The following IQSEC1 variants were observed in gnomAD, a reference collection of about 807,000 sequenced individuals.
The protein encoded by IQSEC1 is IQ motif and SEC7 domain-containing protein 1.
A neutral mutation model predicts 91.0 loss-of-function variants in IQSEC1; 31 were observed. That is an observed-to-expected ratio of 0.34 (90% CI 0.26 to 0.46). The LOEUF is 0.46. Ranked by LOEUF, IQSEC1 falls within the 20% of genes least tolerant of loss-of-function variation. IQSEC1 has a pLI of 1.00. For synonymous variants in IQSEC1, 699 were observed against 662.6 expected (o/e 1.05, Z -0.84); for missense variants, 1,388 against 1,575.6 (o/e 0.88, Z 2.02).
At chr3:12,942,872 C>G (rs1575996730) in intron 1 of IQSEC1, among the ~76,000 whole-genome samples, 1 of 152,168 alleles carries the variant, frequency 6.6e-6, no homozygotes, top group African/African-American at 2.4e-5. Context: ...ATGCGAGGAC[C>G]CGAGGAGGAG....
chr3:13,125,418 T>G (rs360738), intron 2 of IQSEC1, among the ~76,000 whole-genome samples: 17,211 of 152,270 alleles, frequency 0.11, 1,180 homozygotes, highest in South Asian at 0.18. Context: ...TAAATCACAG[T>G]CATCTAATGA....
At chr3:13,102,367 G>T (rs1706080315) in intron 2 of IQSEC1, among the ~76,000 whole-genome samples, 1 of 152,140 alleles carries the variant, frequency 6.6e-6, no homozygotes, top group Admixed American at 6.5e-5. Flanking sequence ...ATGGGCTGGG[G>T]AGCGGAGGCC....
chr3:12,917,735 T>C (rs1283791762), intron 6 of IQSEC1, among the ~76,000 whole-genome samples: 1 of 152,250 alleles, frequency 6.6e-6, no homozygotes, highest in Non-Finnish European at 1.5e-5. Flanking sequence ...GGCCTAAGTT[T>C]TCAGTTCTTT....
intron 1 of IQSEC1, among the ~76,000 whole-genome samples, chr3:13,068,275 GCAGAC>G (rs1705302771): frequency 6.6e-6 from 1 of 152,236 alleles, no homozygotes; most frequent in African/African-American, 2.4e-5. Flanking sequence ...GCTTGCCTAA[GCAGAC>G]GCTACTTGTT....
intron 1 of IQSEC1, among the ~76,000 whole-genome samples, chr3:13,190,557 A>AAAAAAAAAAAAAC (rs1553573152): frequency 2.0e-5 from 3 of 147,960 alleles, no homozygotes; most frequent in African/African-American, 7.8e-5. Context: ...CCCTGTCTCA[A>AAAAAAAAAAAAAC]AAAAAAAAAA....
At chr3:13,015,750 C>A (rs1703097000) in intron 1 of IQSEC1, 3 of 985,066 alleles carry the variant, frequency 3.0e-6, no homozygotes, top group East Asian at 1.1e-4. Flanking sequence ...GTGCCAGGCA[C>A]CCTGGGGCCC....
intron 12 of IQSEC1, 76 bp from the exon 13 acceptor site, chr3:12,902,898 C>A: frequency 9.0e-7 from 1 of 1,109,174 alleles, no homozygotes; most frequent in East Asian, 2.4e-5. Context: ...TGCCACGCTG[C>A]TGCCACGGAG....
intron 1 of IQSEC1, among the ~76,000 whole-genome samples, chr3:13,247,153 AG>A (rs1695121834): frequency 6.6e-6 from 1 of 152,158 alleles, no homozygotes; most frequent in Admixed American, 6.5e-5. Context: ...TGAGGTCTGC[AG>A]GGGACGGTTG....
intron 1 of IQSEC1, among the ~76,000 whole-genome samples, chr3:12,977,431 T>C (rs1234432673): frequency 6.6e-6 from 1 of 151,894 alleles, no homozygotes; most frequent in East Asian, 1.9e-4. Context: ...CTGGTAGCTT[T>C]ACCAAAACTG....
chr3:13,146,269 G>T (rs969386924), intron 2 of IQSEC1, among the ~76,000 whole-genome samples: 1 of 151,998 alleles, frequency 6.6e-6, no homozygotes, highest in Non-Finnish European at 1.5e-5. Context: ...TTACAGGTGT[G>T]AGCCACCGCG....
At chr3:13,156,614 G>A (rs548189148) in intron 2 of IQSEC1, among the ~76,000 whole-genome samples, 1 of 152,378 alleles carries the variant, frequency 6.6e-6, no homozygotes, top group Non-Finnish European at 1.5e-5. Context: ...ATAGCATGCT[G>A]TGCCAGGGCA....
chr3:12,935,603 G>A lies in IQSEC1; in HGVS notation c.1413C>T (p.Cys471=), dbSNP rs1698097058. 26 of 1,614,144 alleles carry A rather than the reference G, an allele frequency of 1.6e-5. No homozygotes were observed. Among genetic ancestry groups the A allele is most frequent in the Non-Finnish European group, 2.1e-5 (25 of 1,180,024 alleles). Residue 471 remains cysteine, a synonymous_variant, in exon 3 of 14, where the codon TGC becomes TGT. Coordinates refer to ENST00000613206, the MANE Select transcript of IQSEC1 (RefSeq NM_001134382.3). The surrounding 1 kb of genome is among the most constrained non-coding windows in gnomAD (Gnocchi z 8.0). ...TGTCACGGGACGATGACTCGGAGCT[G>A]CAGTTGATGGTATCGTTGGAGTTGG... ...STSNSNDTIN[C]SSESSSRDSL... is the part of the protein sequence containing the mutation.
intron 10 of IQSEC1, 147 bp downstream of exon 10, chr3:12,911,482 C>T (rs1695548840): frequency 1.5e-6 from 1 of 656,784 alleles, no homozygotes; most frequent in African/African-American, 1.8e-5. Flanking sequence ...CTACAGCTCA[C>T]CGGAGCTCCT....
intron 1 of IQSEC1, among the ~76,000 whole-genome samples, chr3:12,982,765 A>G (rs575875189): frequency 1.3e-5 from 2 of 152,310 alleles, no homozygotes; most frequent in Non-Finnish European, 1.5e-5. Flanking sequence ...TACTGACAGG[A>G]AAGAGCTGCC....
In IQSEC1 at chr3:13,282,633, G is replaced by A. The variant is rs1237848736; in HGVS notation, c.272+78C>T. ...CCCTCCCGCACCCGCCCACCTCCCC[G>A]CCAAGCCCCGAGGGAAGCCGCGGAC... On this transcript the variant is annotated intron_variant, in intron 1 of 15. Transcript: ENST00000648114. This position sits in a 1 kb window ranked among gnomAD's most constrained non-coding sequence, Gnocchi z 6.4. Among the ~76,000 whole-genome samples the A allele has an allele frequency of 1.4e-5, 2 of 146,800 alleles. No homozygotes were observed. Among genetic ancestry groups the A allele is most frequent in the African/African-American group, 5.0e-5 (2 of 39,878 alleles).
At chr3:13,180,877 C>T (rs960384797) in intron 1 of IQSEC1, among the ~76,000 whole-genome samples, 11 of 151,484 alleles carry the variant, frequency 7.3e-5, no homozygotes, top group East Asian at 5.8e-4. Flanking sequence ...GAACAAACTC[C>T]GGACATGCCA....
intron 1 of IQSEC1, among the ~76,000 whole-genome samples, chr3:13,016,260 A>G (rs1406390637): frequency 6.6e-6 from 1 of 152,168 alleles, no homozygotes; most frequent in Non-Finnish European, 1.5e-5. Context: ...CTCCGCCAGG[A>G]GTGCTCTGTC....
At chr3:13,153,983 T>G (rs1419968514) in intron 2 of IQSEC1, among the ~76,000 whole-genome samples, 1 of 151,848 alleles carries the variant, frequency 6.6e-6, no homozygotes, top group African/African-American at 2.4e-5. Context: ...GGTGGAAAGG[T>G]CATCATGAGG....
intron 1 of IQSEC1, among the ~76,000 whole-genome samples, chr3:13,176,004 C>A (rs764629561): frequency 6.6e-6 from 1 of 152,242 alleles, no homozygotes; most frequent in Non-Finnish European, 1.5e-5. Context: ...CAGAAGGGGG[C>A]AGACGTGACA....
Sources: gnomAD v4.1 joint callset for allele counts (sites outside exome capture counted in the v4.1 genomes callset) on GRCh38, gnomAD v4.1.1 for gene constraint, Gnocchi (gnomAD v3.1) non-coding constraint, MANE v1.5 for transcripts, NCBI Gene and HGNC (gene_info 2026-07-23, HGNC 2026-07-21) for gene names.